Variants in MBOAT7 observed in about 807,000 individuals in gnomAD.
MBOAT7 encodes the protein membrane-bound acylglycerophosphatidylinositol O-acyltransferase MBOAT7.
A neutral mutation model predicts 47.4 loss-of-function variants in MBOAT7; 40 were observed. The observed-to-expected ratio is 0.84, with a 90% CI of 0.66 to 1.10. The LOEUF is 1.10. MBOAT7 is among the 50% of genes least tolerant of loss of function. The pLI, the probability that MBOAT7 is intolerant of heterozygous loss-of-function variation, is 0.00. For missense variants in MBOAT7, 680 were observed against 655.6 expected, an observed-to-expected ratio of 1.04 and a Z score of -0.41; for synonymous variants, 361 against 292.0, an observed-to-expected ratio of 1.24 and a Z score of -2.41.
At chr19:54,179,485 T>G in intron 6 of MBOAT7, 1 of 155,388 alleles carries the variant, frequency 6.4e-6, no homozygotes, top group Non-Finnish European at 1.4e-5. Flanking sequence ...AGGGGCTTTT[T>G]TCCTGGTCGC....
chr19:54,176,943 C>T (rs1034259685), intron 7 of MBOAT7, among the ~76,000 whole-genome samples: 2 of 151,602 alleles, frequency 1.3e-5, no homozygotes, highest in Admixed American at 6.6e-5. Flanking sequence ...AAATTTTGGC[C>T]GGGCATGGTG....
intron 6 of MBOAT7, chr19:54,179,589 G>A (rs1230820683): frequency 6.5e-6 from 1 of 152,684 alleles, no homozygotes. Context: ...TGGCCCATAT[G>A]AAGCCTTGGT....
chr19:54,180,829 C>T lies in MBOAT7; in HGVS notation c.798G>A (p.Val266=). The T allele has an allele frequency of 1.3e-6, 2 of 1,571,914 alleles. No homozygotes were observed. The highest frequency in any genetic ancestry group is 1.7e-6 in the Non-Finnish European group (2 of 1,162,488). The change falls in exon 6 of 8, where the codon GTG becomes GTA. Residue 266 remains valine (V), a synonymous_variant. Coordinates refer to ENST00000245615, the MANE Select transcript of MBOAT7 (RefSeq NM_024298.5). The surrounding 1 kb of genome is among the most constrained non-coding windows in gnomAD (Gnocchi z 5.2). ...CIAAGFGAYP[V]AAKARAGGGP... is the part of the protein sequence containing the mutation. ...CGCCTCCGGCCCGGGCTTTGGCGGC[C>T]ACGGGGTAGGCCCCAAAGCCGGCGG... is the stretch of plus-strand genomic sequence containing the variant.
chr19:54,188,443 A>G lies in MBOAT7; in HGVS notation c.66T>C (p.Phe22=), dbSNP rs772003656. ...GGGAGCCTGACTCACCGGCTTTCTTAAAGAGGAAGCCGATGGGGATGGAGA... is the reference window on the plus strand; with the variant it reads ...GGGAGCCTGACTCACCGGCTTTCTTGAAGAGGAAGCCGATGGGGATGGAGA... ...LLISIPIGFL[F]KKAGPGLKRW... is the part of the protein sequence containing the mutation. Residue 22 remains phenylalanine, a synonymous_variant, in exon 2 of 8, where the codon TTT becomes TTC. Transcript: ENST00000245615. 16 of 1,560,966 alleles carry G rather than the reference A, an allele frequency of 1.0e-5. No homozygotes were observed. In the African/African-American group the frequency reaches 1.1e-4, roughly 11 times the overall value.
Position 54,180,385 on chromosome 19 carries a change from GT to G in MBOAT7, c.854+387del, listed in dbSNP as rs906929247. The G allele has an allele frequency of 3.2e-5, 5 of 158,400 alleles. No homozygotes were observed. Among genetic ancestry groups the G allele is most frequent in the Admixed American group, 1.9e-4 (3 of 15,446 alleles). The allele number at this position is 158,400 out of a possible 1,614,324, so 9.8% of individuals were successfully genotyped here. A position where few individuals can be genotyped will look rare whatever the true frequency, so the allele number is the denominator to read the frequency against. The stretch of plus-strand genomic sequence containing the variant: ...AGTGGCGTTCTGTTGCTAGGGAACC[GT>G]TTCCCTAGCAACAGAGGGTGACCCA... On this transcript the variant is annotated intron_variant, in intron 6 of 7. Transcript: ENST00000245615. This position sits in a 1 kb window ranked among gnomAD's most constrained non-coding sequence, Gnocchi z 5.2.
Position 54,188,073 on chromosome 19 carries a change from A to AGAAAGAAAG in MBOAT7, c.206+143_206+144insCTTTCTTTC, listed in dbSNP as rs1555842646. 144 of 634,208 alleles carry AGAAAGAAAG rather than the reference A, an allele frequency of 2.3e-4. 3 individuals are homozygous for AGAAAGAAAG. Among genetic ancestry groups the AGAAAGAAAG allele is most frequent in the Middle Eastern group, 9.7e-4 (2 of 2,056 alleles). The allele number at this position is 634,208 out of a possible 1,614,324, so 39.3% of individuals were successfully genotyped here. A position where few individuals can be genotyped will look rare whatever the true frequency, so the allele number is the denominator to read the frequency against. On this transcript the variant is annotated intron_variant, in intron 3 of 7. Transcript: ENST00000245615. ...AGAAAGAAAGAAAGAAAGAAAGACA[A>AGAAAGAAAG]ACAAACAAACATGAAACAGAGAAAT...
chr19:54,188,038 AAAG>A (rs2076491958), intron 3 of MBOAT7, among the ~76,000 whole-genome samples, 176 bp downstream of exon 3: 3 of 56,224 alleles, frequency 5.3e-5, no homozygotes, highest in African/African-American at 1.3e-4. Context: ...AGAAAGAAAG[AAAG>A]AAAGAAAGAA....
chr19:54,174,088 A>G lies in MBOAT7; in HGVS notation c.1375T>C (p.Ser459Pro), dbSNP rs1423361275. 6.2e-7 allele frequency: 1 copy of G among 1,606,730 alleles called. No individual in the cohort carries two copies. Among genetic ancestry groups the G allele is most frequent in the Non-Finnish European group, 8.5e-7 (1 of 1,177,408 alleles). The change falls in exon 8 of 8, where the codon TCC (serine) becomes CCC (proline). Residue 459 changes from serine (S) to proline (P), a missense_variant. Coordinates refer to ENST00000245615, the MANE Select transcript of MBOAT7 (RefSeq NM_024298.5). ...TCCGGGGCAAGGCTGGTGGGCTGGG[A>G]TGCTGCCTTCCGCCGGCTGGGGCTG... ...GGSPSRRKAA[S>P]QPTSLAPEKL...
intron 5 of MBOAT7, among the ~76,000 whole-genome samples, chr19:54,182,636 C>T (rs535519592): frequency 1.0e-3 from 157 of 151,784 alleles, no homozygotes; most frequent in South Asian, 2.1e-3. Context: ...AAAATATTTT[C>T]TTTTTAAAAT....
Position 54,179,043 on chromosome 19 carries a change from C to T in MBOAT7, c.855-102G>A, listed in dbSNP as rs545641992. On this transcript the variant is annotated intron_variant, in intron 6 of 7. Coordinates refer to ENST00000245615, the MANE Select transcript of MBOAT7 (RefSeq NM_024298.5). ...AGCCCCGGATGCTAAGGAAGGGATCCTGGCCAGGCAATGGCCCTCTGGCTG... is the reference window on the plus strand; with the variant it reads ...AGCCCCGGATGCTAAGGAAGGGATCTTGGCCAGGCAATGGCCCTCTGGCTG... The T allele has an allele frequency of 3.4e-6, 5 of 1,481,362 alleles. No homozygotes were observed. In the African/African-American group the frequency reaches 5.5e-5, roughly 16 times the overall value. The allele number at this position is 1,481,362 out of a possible 1,614,324, so 91.8% of individuals were successfully genotyped here. A position where few individuals can be genotyped will look rare whatever the true frequency, so the allele number is the denominator to read the frequency against.
intron 7 of MBOAT7, 114 bp from the exon 8 acceptor site, chr19:54,174,545 G>GC (rs2076024699): frequency 9.0e-7 from 1 of 1,105,520 alleles, no homozygotes; most frequent in Non-Finnish European, 1.2e-6. Flanking sequence ...AGAAGTGCAG[G>GC]CCCAGCCCCT....
At chr19:54,184,934 G>A (rs889499608) in intron 4 of MBOAT7, among the ~76,000 whole-genome samples, 3 of 147,894 alleles carry the variant, frequency 2.0e-5, no homozygotes, top group African/African-American at 7.5e-5. Flanking sequence ...TTAGGGCCAG[G>A]TGTGACGGCT....
intron 7 of MBOAT7, among the ~76,000 whole-genome samples, chr19:54,174,823 G>A (rs1011512873): frequency 2.0e-5 from 3 of 152,168 alleles, no homozygotes; most frequent in African/African-American, 7.2e-5. Context: ...GGAGGCTACA[G>A]GCCTCTGTCT....
chr19:54,180,894 A>G lies in MBOAT7; in HGVS notation c.733T>C (p.Phe245Leu). 6.3e-7 allele frequency: 1 copy of G among 1,597,062 alleles called. No homozygotes were observed. Among genetic ancestry groups the G allele is most frequent in the Non-Finnish European group, 8.5e-7 (1 of 1,173,732 alleles). The change falls in exon 6 of 8, where the codon TTC becomes CTC. Residue 245 changes from phenylalanine (F) to leucine (L), a missense_variant. Transcript: ENST00000245615. This position sits in a 1 kb window ranked among gnomAD's most constrained non-coding sequence, Gnocchi z 5.2. ...TCGGCGGCAATCCAGGCCACGTAGA[A>G]GCGCATGCGGAAGGCGAAGAAGACG... ...IPVFFAFRMR[F>L]YVAWIAAECG...
rs148671781 is a variant in MBOAT7, at chr19:54,174,338, G to T, written c.1125C>A (p.Ala375=). 3 of 1,612,992 alleles carry T rather than the reference G, an allele frequency of 1.9e-6. No individual in the cohort carries two copies. The highest frequency in any genetic ancestry group is 1.1e-5 in the South Asian group (1 of 90,956). ...SFLTIPLCLA[A]EGRLESALRG... is the part of the protein sequence containing the mutation. ...GCAGGGCTGACTCCAGCCGGCCCTC[G>T]GCAGCCAGGCACAGCGGGATGGTCA... Residue 375 remains alanine, a synonymous_variant, in exon 8 of 8, where the codon GCC becomes GCA. Transcript: ENST00000245615.
intron 4 of MBOAT7, 187 bp downstream of exon 4, chr19:54,186,974 G>A (rs2076443752): frequency 2.9e-6 from 2 of 684,476 alleles, no homozygotes; most frequent in Non-Finnish European, 4.8e-6. Flanking sequence ...GAGGAGCTGG[G>A]AGGTGAAGAC....
intron 7 of MBOAT7, among the ~76,000 whole-genome samples, chr19:54,177,750 G>A (rs556481595): frequency 1.3e-5 from 2 of 150,910 alleles, no homozygotes; most frequent in Non-Finnish European, 3.0e-5. Flanking sequence ...CTAATTTTTT[G>A]TATTTTTAGT....
At chr19:54,188,069 G>GAAAGAAAGAAAGAAAGAAAGACAA (rs1416964687) in intron 3 of MBOAT7, 148 bp downstream of exon 3, 3 of 200,042 alleles carry the variant, frequency 1.5e-5, no homozygotes, top group East Asian at 1.1e-4. Context: ...AAGAAAGAAA[G>GAAAGAAAGAAAGAAAGAAAGACAA]ACAAACAAAC....
chr19:54,183,757 C>T (rs996821073), intron 4 of MBOAT7, 77 bp from the exon 5 acceptor site: 6 of 1,401,538 alleles, frequency 4.3e-6, no homozygotes, highest in Non-Finnish European at 5.6e-6. Context: ...TGCGCGGCTG[C>T]CCTCGGCAGC....
Sources: gnomAD v4.1 joint callset for allele counts (sites outside exome capture counted in the v4.1 genomes callset) on GRCh38, gnomAD v4.1.1 for gene constraint, Gnocchi (gnomAD v3.1) non-coding constraint, MANE v1.5 for transcripts, NCBI Gene and HGNC (gene_info 2026-07-23, HGNC 2026-07-21) for gene names.